Variants in CAST observed in about 807,000 individuals in gnomAD.
CAST encodes the protein calpastatin.
CAST carries 76 observed loss-of-function variants against 119.6 expected under a neutral mutation model. That is an observed-to-expected ratio of 0.64 (90% CI 0.53 to 0.77). The LOEUF is 0.77. Ranked by LOEUF, CAST falls within the 30% of genes least tolerant of loss-of-function variation. CAST has a pLI of 0.00. For synonymous variants in CAST, 319 were observed against 331.6 expected (o/e 0.96, Z 0.41); for missense variants, 953 against 946.5 (o/e 1.01, Z -0.09).
chr5:96,517,143 CTT>C, the CAST span, among the ~76,000 whole-genome samples: 1 of 146,550 alleles, frequency 6.8e-6, no homozygotes, highest in Admixed American at 6.8e-5. Flanking sequence ...TTCTACACAT[CTT>C]TTTTTTTTTA....
the CAST span, among the ~76,000 whole-genome samples, chr5:96,113,630 G>T: frequency 6.6e-6 from 1 of 152,244 alleles, no homozygotes; most frequent in Admixed American, 6.5e-5. Flanking sequence ...CTTTCAGCTG[G>T]AGTGGCTTTT....
At chr5:96,417,751 A>C in the CAST span, among the ~76,000 whole-genome samples, 1 of 152,202 alleles carries the variant, frequency 6.6e-6, no homozygotes. Flanking sequence ...GGATTCTTTC[A>C]TTTGCAACTG....
At chr5:96,162,459 C>T in the CAST span, among the ~76,000 whole-genome samples, 2 of 152,118 alleles carry the variant, frequency 1.3e-5, no homozygotes, top group Admixed American at 1.3e-4. Context: ...GCTCTGTCGC[C>T]CAGGCTGGAG....
intron 1 of CAST, among the ~76,000 whole-genome samples, chr5:96,637,883 T>C (rs1747904387): frequency 6.6e-6 from 1 of 152,198 alleles, no homozygotes; most frequent in Non-Finnish European, 1.5e-5. Flanking sequence ...AGATACTGTG[T>C]TCATAGTGCA....
At chr5:96,758,573 A>G (rs1044443720) in intron 24 of CAST, among the ~76,000 whole-genome samples, 3 of 152,238 alleles carry the variant, frequency 2.0e-5, no homozygotes, top group Admixed American at 6.5e-5. Context: ...TGACAGTGGC[A>G]TGGAAAATAT....
the CAST span, among the ~76,000 whole-genome samples, chr5:96,492,170 TA>T: frequency 6.6e-6 from 1 of 152,236 alleles, no homozygotes. Flanking sequence ...ATTCACCTTT[TA>T]AAAAAGCATT....
chr5:96,109,635 G>C, the CAST span, among the ~76,000 whole-genome samples: 2 of 152,208 alleles, frequency 1.3e-5, no homozygotes, highest in East Asian at 3.8e-4. Context: ...CATCTGTGAA[G>C]AGTCAAGAGA....
At chr5:96,196,804 C>T in the CAST span, among the ~76,000 whole-genome samples, 1 of 152,166 alleles carries the variant, frequency 6.6e-6, no homozygotes. Context: ...GAGTGAAATA[C>T]CTTTTTATCT....
At chr5:96,696,654 G>T (rs915734068) in intron 3 of CAST, among the ~76,000 whole-genome samples, 1 of 131,292 alleles carries the variant, frequency 7.6e-6, no homozygotes, top group Non-Finnish European at 1.6e-5. Flanking sequence ...TTCATGACCA[G>T]CTTGAGCAAC....
the CAST span, among the ~76,000 whole-genome samples, chr5:96,243,588 G>A: frequency 6.6e-6 from 1 of 152,146 alleles, no homozygotes; most frequent in Non-Finnish European, 1.5e-5. Flanking sequence ...TATAGATGCA[G>A]TTTCTGGAGA....
At chr5:96,351,826 T>C in the CAST span, among the ~76,000 whole-genome samples, 1,579 of 151,938 alleles carry the variant, frequency 0.01, 27 homozygotes, top group African/African-American at 0.036. Context: ...TGCTTAGGGA[T>C]AGAGAAGAAG....
chr5:96,346,515 T>C, the CAST span, among the ~76,000 whole-genome samples: 1 of 152,164 alleles, frequency 6.6e-6, no homozygotes, highest in African/African-American at 2.4e-5. Context: ...AGGAATGAAG[T>C]GAACAGACTC....
the CAST span, among the ~76,000 whole-genome samples, chr5:95,988,986 G>A: frequency 1.4e-3 from 210 of 152,250 alleles, no homozygotes; most frequent in Non-Finnish European, 2.3e-3. Context: ...CTTTTGGAAC[G>A]AGTGGGCCTG....
At position 96,538,645 on chromosome 5, in the gene CAST, A is replaced by G. The variant is rs1050393191; in HGVS notation, c.60+8765A>G. On this transcript the variant is annotated intron_variant, in intron 1 of 11. Transcript: ENST00000505143. ...TAAAAATGGTCCTGGACTAACCTCA[A>G]TCTTGTTTTGCAACATCTGTTTTTT... 6.6e-5 allele frequency among the ~76,000 whole-genome samples: 10 copies of G among 150,728 alleles called. No homozygotes were observed. In the South Asian group the frequency reaches 1.1e-3, roughly 16 times the overall value.
upstream of CAST, among the ~76,000 whole-genome samples, chr5:96,522,064 C>A (rs747787336): frequency 6.6e-6 from 1 of 151,830 alleles, no homozygotes; most frequent in Non-Finnish European, 1.5e-5. Context: ...TGCAGCGAGC[C>A]GAGCTCGTGC....
the CAST span, among the ~76,000 whole-genome samples, chr5:96,056,756 T>G: frequency 6.6e-6 from 1 of 152,134 alleles, no homozygotes; most frequent in Admixed American, 6.6e-5. Context: ...GTTTTGAAAT[T>G]TAGTTCTTCT....
intron 2 of CAST, among the ~76,000 whole-genome samples, chr5:96,690,939 CTTGAAAAATACAT>C (rs1364727175): frequency 1.3e-5 from 2 of 152,152 alleles, no homozygotes; most frequent in Admixed American, 6.5e-5. Flanking sequence ...GAGTTTTTAT[CTTGAAAAATACAT>C]TTCAAGAAGT....
the CAST span, among the ~76,000 whole-genome samples, chr5:96,072,017 C>T: frequency 6.6e-6 from 1 of 151,822 alleles, no homozygotes; most frequent in Non-Finnish European, 1.5e-5. Context: ...TAAATTGATA[C>T]AAAGAAAACT....
chr5:96,587,163 CA>C (rs11301464), intron 1 of CAST, among the ~76,000 whole-genome samples: 2,860 of 152,240 alleles, frequency 0.019, 88 homozygotes, highest in African/African-American at 0.057. Context: ...ATTTTCAATT[CA>C]CCACATCAGC....
Sources: gnomAD v4.1 joint callset for allele counts (sites outside exome capture counted in the v4.1 genomes callset) on GRCh38, gnomAD v4.1.1 for gene constraint, MANE v1.5 for transcripts, NCBI Gene and HGNC (gene_info 2026-07-23, HGNC 2026-07-21) for gene names.